The following PARD3B variants were observed in gnomAD, a reference collection of about 807,000 sequenced individuals.
The protein encoded by PARD3B is partitioning defective 3 homolog B.
A neutral mutation model predicts 130.2 loss-of-function variants in PARD3B; 103 were observed. That is an observed-to-expected ratio of 0.79 (90% CI 0.67 to 0.93). The LOEUF is 0.93. Ranked by LOEUF, PARD3B falls within the 40% of genes least tolerant of loss-of-function variation. The probability of loss-of-function intolerance (pLI) is 0.00; values close to 1 mark genes in which losing one functional copy is unlikely to be tolerated. For synonymous variants in PARD3B, 583 were observed against 553.2 expected (o/e 1.05, Z -0.76); for missense variants, 1,609 against 1,499.2 (o/e 1.07, Z -1.21).
At chr2:204,885,100 G>A (rs1008515374) in intron 2 of PARD3B, among the ~76,000 whole-genome samples, 14 of 152,126 alleles carry the variant, frequency 9.2e-5, no homozygotes, top group South Asian at 4.1e-4. Context: ...CATCAATGGC[G>A]TAAAAACATT....
At position 205,278,810 on chromosome 2, in the gene PARD3B, G is replaced by A. The variant is rs930308924; in HGVS notation, c.2186-21720G>A. Among the ~76,000 whole-genome samples the A allele has an allele frequency of 5.3e-5, 8 of 151,868 alleles. No individual in the cohort carries two copies. In the East Asian group the frequency reaches 7.8e-4, roughly 15 times the overall value. On this transcript the variant is annotated intron_variant, in intron 16 of 22. Transcript: ENST00000406610. ...ATAGGCTGAGCGCTGTGGCTCACAC[G>A]TGTAATCCCAGCACTTTGGGAGGCC...
chr2:205,082,052 A>G (rs1282386811), intron 4 of PARD3B, among the ~76,000 whole-genome samples: 2 of 152,248 alleles, frequency 1.3e-5, no homozygotes, highest in Non-Finnish European at 1.5e-5. Context: ...TTCATTTGCT[A>G]TAGAGCCCTT....
intron 4 of PARD3B, among the ~76,000 whole-genome samples, chr2:205,081,336 T>C (rs1238903838): frequency 2.0e-5 from 3 of 152,096 alleles, no homozygotes; most frequent in Admixed American, 2.0e-4. Context: ...AAAAATATAT[T>C]TATACATAGT....
chr2:205,538,766 C>T (rs868322002), intron 21 of PARD3B, among the ~76,000 whole-genome samples: 1 of 152,262 alleles, frequency 6.6e-6, no homozygotes, highest in African/African-American at 2.4e-5. Context: ...GGAAGAAATC[C>T]TCTCCAAGTG....
At chr2:205,278,822 C>G in intron 16 of PARD3B, among the ~76,000 whole-genome samples, 1 of 152,020 alleles carries the variant, frequency 6.6e-6, no homozygotes, top group East Asian at 1.9e-4. Flanking sequence ...GTAATCCCAG[C>G]ACTTTGGGAG....
chr2:204,648,374 A>G lies in PARD3B; in HGVS notation c.121-37807A>G, dbSNP rs939237339. On this transcript the variant is annotated intron_variant, in intron 1 of 22. Coordinates refer to ENST00000406610, the MANE Select transcript of PARD3B (RefSeq NM_001302769.2). ...ATTAGATGCCCACTGGTGGTATTCC[A>G]TTGTTGGATATATCACATTTCAGTT... 3.3e-5 allele frequency among the ~76,000 whole-genome samples: 5 copies of G among 150,460 alleles called. No individual in the cohort carries two copies. In the Admixed American group the frequency reaches 3.3e-4, roughly 10 times the overall value.
At chr2:204,633,391 G>A (rs1434472925) in intron 1 of PARD3B, among the ~76,000 whole-genome samples, 1 of 152,078 alleles carries the variant, frequency 6.6e-6, no homozygotes, top group African/African-American at 2.4e-5. Flanking sequence ...AAATATTTCT[G>A]TATGTATCGC....
chr2:205,308,430 C>A (rs2042257191), intron 18 of PARD3B, among the ~76,000 whole-genome samples: 1 of 151,952 alleles, frequency 6.6e-6, no homozygotes, highest in Admixed American at 6.6e-5. Flanking sequence ...CATGGTGAAA[C>A]CCCGTCTCTA....
intron 2 of PARD3B, among the ~76,000 whole-genome samples, chr2:204,832,988 A>G (rs2043885845): frequency 6.6e-6 from 1 of 152,210 alleles, no homozygotes; most frequent in South Asian, 2.1e-4. Context: ...TTATTATTGT[A>G]ATAAAAGAAA....
intron 16 of PARD3B, among the ~76,000 whole-genome samples, chr2:205,284,557 A>G (rs1034254150): frequency 6.6e-6 from 1 of 152,034 alleles, no homozygotes; most frequent in Non-Finnish European, 1.5e-5. Context: ...CCCCAGCCTT[A>G]CTCCCTTGGA....
intron 4 of PARD3B, among the ~76,000 whole-genome samples, chr2:205,084,796 T>G (rs1701641162): frequency 6.6e-6 from 1 of 151,998 alleles, no homozygotes; most frequent in Non-Finnish European, 1.5e-5. Flanking sequence ...CTCTTTAGTG[T>G]CTATTCAGGT....
At chr2:205,454,581 ATTT>A (rs2048208887) in intron 20 of PARD3B, among the ~76,000 whole-genome samples, 1 of 152,042 alleles carries the variant, frequency 6.6e-6, no homozygotes, top group South Asian at 2.1e-4. Flanking sequence ...AGCACTCTGG[ATTT>A]TCCCAAACTT....
chr2:205,614,929 G>A (rs575568750), intron 22 of PARD3B, among the ~76,000 whole-genome samples: 7 of 152,172 alleles, frequency 4.6e-5, no homozygotes, highest in Admixed American at 1.3e-4. Context: ...CAAATAACCT[G>A]AACATTTCTA....
At chr2:205,512,684 G>A (rs2050631533) in intron 21 of PARD3B, among the ~76,000 whole-genome samples, 1 of 152,102 alleles carries the variant, frequency 6.6e-6, no homozygotes, top group Admixed American at 6.6e-5. Flanking sequence ...AAGAAAACTT[G>A]TTTGGTGTAT....
At position 205,258,866 on chromosome 2, in the gene PARD3B, T is replaced by G. The variant is rs557822420; in HGVS notation, c.2185+13044T>G. On this transcript the variant is annotated intron_variant, in intron 16 of 22. Coordinates refer to ENST00000406610, the MANE Select transcript of PARD3B (RefSeq NM_001302769.2). The surrounding 1 kb of genome is among the most constrained non-coding windows in gnomAD (Gnocchi z 4.9). Reference sequence around the variant, plus strand: ...TTATGTTTTATTTTCAGTTTTAAATTTGGACTACTTTTTAATGACCTTTTT... The same window carrying G: ...TTATGTTTTATTTTCAGTTTTAAATGTGGACTACTTTTTAATGACCTTTTT... 6.6e-6 allele frequency among the ~76,000 whole-genome samples: 1 copy of G among 152,324 alleles called. No individual in the cohort carries two copies. Among genetic ancestry groups the G allele is most frequent in the South Asian group, 2.1e-4 (1 of 4,830 alleles).
In PARD3B at chr2:205,507,196, A is replaced by ATTTTTTTTTTTTTTTTTTTTTTTTTTT. The variant is rs71410819; in HGVS notation, c.3180+7175_3180+7201dup. Among the ~76,000 whole-genome samples, 2 of 25,174 alleles carry ATTTTTTTTTTTTTTTTTTTTTTTTTTT rather than the reference A, an allele frequency of 7.9e-5. 1 individual carries two copies. The highest frequency in any genetic ancestry group is 1.3e-4 in the Non-Finnish European group (2 of 15,164). The allele number at this position is 25,174 out of a possible 152,430, so 16.5% of individuals were successfully genotyped here. A position where few individuals can be genotyped will look rare whatever the true frequency, so the allele number is the denominator to read the frequency against. ...ACCTTCATGGCCAGACAGGTGCAGT[A>ATTTTTTTTTTTTTTTTTTTTTTTTTTT]TTTTTTTTTTTTTTTTTTTTTTTTT... On this transcript the variant is annotated intron_variant, in intron 21 of 22. Coordinates refer to ENST00000406610, the MANE Select transcript of PARD3B (RefSeq NM_001302769.2).
intron 2 of PARD3B, among the ~76,000 whole-genome samples, chr2:204,955,971 G>T (rs910383056): frequency 3.3e-5 from 5 of 152,110 alleles, no homozygotes; most frequent in African/African-American, 1.2e-4. Context: ...GTATGATGAA[G>T]AACTTGAAGC....
intron 6 of PARD3B, among the ~76,000 whole-genome samples, chr2:205,114,896 G>A (rs1703919529): frequency 6.6e-6 from 1 of 151,996 alleles, no homozygotes; most frequent in South Asian, 2.1e-4. Context: ...AATGTTATGG[G>A]TTATGGCATA....
chr2:204,973,016 C>A (rs1250854568), intron 3 of PARD3B, among the ~76,000 whole-genome samples: 1 of 152,148 alleles, frequency 6.6e-6, no homozygotes, highest in African/African-American at 2.4e-5. Context: ...TGCAGTTTGT[C>A]CTTTTAATAA....
Sources: allele counts gnomAD v4.1 joint callset (sites outside exome capture counted in the v4.1 genomes callset), GRCh38; gene constraint gnomAD v4.1.1; non-coding constraint Gnocchi (gnomAD v3.1); transcripts MANE v1.5; gene names NCBI Gene and HGNC (gene_info 2026-07-23, HGNC 2026-07-21).